The following CDHR3 variants were observed in gnomAD, a reference collection of about 807,000 sequenced individuals.
CDHR3 encodes the protein cadherin related family member 3, also known as cadherin-related family member 3.
A neutral mutation model predicts 86.6 loss-of-function variants in CDHR3; 79 were observed. That is an observed-to-expected ratio of 0.91 (90% CI 0.76 to 1.10). The LOEUF is 1.10. Among genes scored for constraint, CDHR3 ranks in the 50% least tolerant of loss-of-function variants. CDHR3 has a pLI of 0.00. For missense variants in CDHR3, 1,081 were observed against 1,077.6 expected (o/e 1.00, Z -0.04); for synonymous variants, 421 against 402.4 (o/e 1.05, Z -0.55).
intron 9 of CDHR3, among the ~76,000 whole-genome samples, chr7:106,014,598 C>T (rs1272122691): frequency 6.6e-6 from 1 of 152,124 alleles, no homozygotes; most frequent in African/African-American, 2.4e-5. Context: ...AGCCACTGCA[C>T]ACCAGCCTGG....
chr7:106,036,254 T>A lies in CDHR3; in HGVS notation c.*3557T>A, dbSNP rs899052656. 1 of 152,188 alleles carries A rather than the reference T, an allele frequency of 6.6e-6. No individual in the cohort carries two copies. Among genetic ancestry groups the A allele is most frequent in the Non-Finnish European group, 1.5e-5 (1 of 68,026 alleles). The allele number at this position is 152,188 out of a possible 1,614,324, so 9.4% of individuals were successfully genotyped here. On this transcript the variant is annotated 3_prime_UTR_variant, in exon 19 of 19. Coordinates refer to ENST00000317716, the MANE Select transcript of CDHR3 (RefSeq NM_152750.5). ...GCTCCCCAGAGCCCCCTTTCACATC[T>A]GGGGTTCTCATTGTTTGCCTTTTTA... is the stretch of plus-strand genomic sequence containing the variant.
intron 4 of CDHR3, among the ~76,000 whole-genome samples, chr7:105,986,837 GT>G (rs969115172): frequency 6.6e-6 from 1 of 152,138 alleles, no homozygotes; most frequent in Non-Finnish European, 1.5e-5. Context: ...AGGGGAGAAA[GT>G]TGGGAGAAAG....
intron 5 of CDHR3, among the ~76,000 whole-genome samples, chr7:105,995,199 CTACA>C (rs989021746): frequency 3.9e-5 from 6 of 152,288 alleles, no homozygotes; most frequent in African/African-American, 1.4e-4. Context: ...AAGCCATGAG[CTACA>C]TGGAATTCCC....
At chr7:106,027,983 T>G (rs1837623512) in intron 16 of CDHR3, among the ~76,000 whole-genome samples, 1 of 151,896 alleles carries the variant, frequency 6.6e-6, no homozygotes, top group Non-Finnish European at 1.5e-5. Flanking sequence ...TTAAATTAGC[T>G]GGGTGTGGTA....
intron 4 of CDHR3, 38 bp from the exon 5 acceptor site, chr7:105,994,713 T>C: frequency 7.1e-7 from 1 of 1,403,858 alleles, no homozygotes; most frequent in African/African-American, 1.4e-5. Context: ...GGTGGGCAGG[T>C]GGGCTGATTT....
At chr7:105,968,843 C>T (rs1264898575) in intron 1 of CDHR3, among the ~76,000 whole-genome samples, 1 of 152,120 alleles carries the variant, frequency 6.6e-6, no homozygotes, top group Non-Finnish European at 1.5e-5. Flanking sequence ...AATCCCAGCA[C>T]TTTGGGAGGC....
Position 106,022,114 on chromosome 7 carries a change from A to G in CDHR3, c.1826-84A>G, listed in dbSNP as rs1248489666. 2.0e-6 allele frequency: 3 copies of G among 1,521,556 alleles called. No homozygotes were observed. The East Asian group carries it at 6.8e-5, about 34-fold the overall frequency. 94.3% of individuals were successfully genotyped at this position (1,521,556 alleles called of 1,614,324 possible). ...TGAGGTGTGGACATTTGAGAAAAAG[A>G]TTGAATGCAGTTTTCTTCTAAACCT... On this transcript the variant is annotated intron_variant, in intron 13 of 18. Coordinates refer to ENST00000317716, the MANE Select transcript of CDHR3 (RefSeq NM_152750.5).
chr7:106,008,675 G>A (rs906839905), intron 8 of CDHR3, among the ~76,000 whole-genome samples: 3 of 152,128 alleles, frequency 2.0e-5, no homozygotes, highest in Non-Finnish European at 2.9e-5. Context: ...ACACCTTTAC[G>A]TGCATAAATT....
intron 4 of CDHR3, among the ~76,000 whole-genome samples, chr7:105,990,294 C>T (rs1187290048): frequency 1.3e-5 from 2 of 152,226 alleles, no homozygotes; most frequent in African/African-American, 4.8e-5. Context: ...CTGTAACCCA[C>T]TTAGCTCATC....
intron 4 of CDHR3, among the ~76,000 whole-genome samples, chr7:105,986,691 G>C (rs999452677): frequency 2.0e-5 from 3 of 152,096 alleles, no homozygotes; most frequent in Non-Finnish European, 4.4e-5. Context: ...TAATAAACTG[G>C]GGAAACTTAG....
chr7:106,028,678 G>C, intron 17 of CDHR3, 96 bp downstream of exon 17: 2 of 1,346,804 alleles, frequency 1.5e-6, no homozygotes, highest in Non-Finnish European at 2.1e-6. Context: ...TTGTGGGCAT[G>C]TTTATCATTC....
At chr7:105,982,746 G>C (rs1028373452) in intron 3 of CDHR3, among the ~76,000 whole-genome samples, 3 of 152,072 alleles carry the variant, frequency 2.0e-5, no homozygotes, top group Non-Finnish European at 2.9e-5. Context: ...ACTTTGGGAG[G>C]CTGAGGTGGG....
chr7:105,984,216 G>T lies in CDHR3; in HGVS notation c.440G>T (p.Arg147Ile). The change falls in exon 4 of 19, where the codon AGA (arginine) becomes ATA (isoleucine). Residue 147 changes from arginine to isoleucine, a missense_variant. Coordinates refer to ENST00000317716, the MANE Select transcript of CDHR3 (RefSeq NM_152750.5). ...AEGLHLYIVE[R>I]ANPGFIYQVE... is the part of the protein sequence containing the mutation. ...GGTCTACACCTCTACATAGTAGAAAGAGCAAACCCTGGATTCATTTACCAG... is the reference window on the plus strand; with the variant it reads ...GGTCTACACCTCTACATAGTAGAAATAGCAAACCCTGGATTCATTTACCAG... The T allele has an allele frequency of 6.2e-7, 1 of 1,610,076 alleles. No homozygotes were observed. Among genetic ancestry groups the T allele is most frequent in the Non-Finnish European group, 8.5e-7 (1 of 1,177,326 alleles).
At chr7:105,966,964 T>TA (rs71155492) in intron 1 of CDHR3, among the ~76,000 whole-genome samples, 3 of 148,442 alleles carry the variant, frequency 2.0e-5, no homozygotes, top group East Asian at 4.0e-4. Flanking sequence ...TTTTTTTTTT[T>TA]ATTATTATAC....
chr7:105,985,074 AAAT>A (rs1354604435), intron 4 of CDHR3, among the ~76,000 whole-genome samples: 1 of 139,528 alleles, frequency 7.2e-6, no homozygotes, highest in Non-Finnish European at 1.6e-5. Context: ...AAAAAAAAAA[AAAT>A]TAAGGAGTCC....
chr7:105,999,711 T>G (rs1832833049), intron 6 of CDHR3, among the ~76,000 whole-genome samples: 1 of 152,164 alleles, frequency 6.6e-6, no homozygotes, highest in Non-Finnish European at 1.5e-5. Flanking sequence ...ACCTCTGGCA[T>G]CACCTTATAA....
chr7:106,029,258 G>A (rs1293868535), intron 17 of CDHR3, among the ~76,000 whole-genome samples: 2 of 152,124 alleles, frequency 1.3e-5, no homozygotes, highest in Admixed American at 6.5e-5. Flanking sequence ...TGGGATTATA[G>A]GCATGAGCCA....
At chr7:106,007,897 C>T (rs1017427812) in intron 8 of CDHR3, among the ~76,000 whole-genome samples, 1 of 152,138 alleles carries the variant, frequency 6.6e-6, no homozygotes, top group Non-Finnish European at 1.5e-5. Context: ...AAGACATACC[C>T]GAGACTGGGC....
chr7:106,022,066 G>A, intron 13 of CDHR3, 132 bp from the exon 14 acceptor site: 3 of 1,100,596 alleles, frequency 2.7e-6, no homozygotes, highest in Non-Finnish European at 1.3e-6. Context: ...CAGCTCTGGT[G>A]TATCAGAGAC....
Sources: allele counts gnomAD v4.1 joint callset (sites outside exome capture counted in the v4.1 genomes callset), GRCh38; gene constraint gnomAD v4.1.1; transcripts MANE v1.5; gene names NCBI Gene and HGNC (gene_info 2026-07-23, HGNC 2026-07-21).